The following PAM variants were observed in gnomAD, a reference collection of about 807,000 sequenced individuals.
The protein encoded by PAM is peptidylglycine alpha-amidating monooxygenase, also known as peptidyl-glycine alpha-amidating monooxygenase.
A neutral mutation model predicts 122.1 loss-of-function variants in PAM; 72 were observed. That is an observed-to-expected ratio of 0.59 (90% CI 0.49 to 0.72). PAM has a LOEUF of 0.72. Ranked by LOEUF, PAM falls within the 30% of genes least tolerant of loss-of-function variation. The probability of loss-of-function intolerance (pLI) is 0.00; values close to 1 mark genes in which losing one functional copy is unlikely to be tolerated. For missense variants in PAM, 1,106 were observed against 1,183.7 expected, an observed-to-expected ratio of 0.93 and a Z score of 0.96; for synonymous variants, 389 against 404.4, an observed-to-expected ratio of 0.96 and a Z score of 0.46.
chr5:102,885,485 A>G (rs1261767511), intron 3 of PAM, among the ~76,000 whole-genome samples: 5 of 152,030 alleles, frequency 3.3e-5, no homozygotes, highest in African/African-American at 1.2e-4. Flanking sequence ...AGGCAGACAC[A>G]GTAGATGTAA....
chr5:103,009,568 A>G (rs1780017152), intron 20 of PAM, among the ~76,000 whole-genome samples, 183 bp from the exon 21 acceptor site: 1 of 152,142 alleles, frequency 6.6e-6, no homozygotes, highest in Non-Finnish European at 1.5e-5. Flanking sequence ...TAGTCCTCTA[A>G]CCAGTTTGCC....
intron 3 of PAM, among the ~76,000 whole-genome samples, chr5:102,877,005 G>A (rs2151076990): frequency 6.6e-6 from 1 of 152,302 alleles, no homozygotes; most frequent in African/African-American, 2.4e-5. Flanking sequence ...GCTTGGAGGA[G>A]CCTGGCTATG....
In PAM at chr5:103,025,344, AT is replaced by A. The variant is rs747612432; in HGVS notation, c.2689+11del. The A allele has an allele frequency of 1.2e-5, 20 of 1,609,518 alleles. No homozygotes were observed. The East Asian group carries it at 4.5e-4, about 36-fold the overall frequency. On this transcript the variant is annotated intron_variant, in intron 24 of 25. Coordinates refer to ENST00000438793, the MANE Select transcript of PAM (RefSeq NM_001177306.2). ...TCAAGGGCCTTTGGAGGCAAGTAAAATGAGCCCCGTGAACTTGGAACCTGCC... is the reference window on the plus strand; with the variant it reads ...TCAAGGGCCTTTGGAGGCAAGTAAAAGAGCCCCGTGAACTTGGAACCTGCC...
chr5:102,916,700 AAT>A (rs1356395559), intron 5 of PAM, among the ~76,000 whole-genome samples: 1 of 146,806 alleles, frequency 6.8e-6, no homozygotes, highest in African/African-American at 2.5e-5. Flanking sequence ...ATTTGTATAT[AAT>A]ATATGATATA....
intron 4 of PAM, among the ~76,000 whole-genome samples, chr5:102,909,801 T>C (rs574144463): frequency 4.6e-5 from 7 of 152,012 alleles, no homozygotes; most frequent in Admixed American, 4.6e-4. Flanking sequence ...ACGATTACAT[T>C]GGGAGGAAAA....
chr5:102,906,872 A>G (rs1799715972), intron 4 of PAM, among the ~76,000 whole-genome samples: 1 of 151,766 alleles, frequency 6.6e-6, no homozygotes, highest in Admixed American at 6.6e-5. Flanking sequence ...GGAAATTAAT[A>G]GTGGACTATT....
intron 15 of PAM, among the ~76,000 whole-genome samples, chr5:102,977,917 G>T (rs1768281448): frequency 6.6e-6 from 1 of 152,082 alleles, no homozygotes; most frequent in Admixed American, 6.6e-5. Flanking sequence ...GATTATAATA[G>T]TATACTCCTC....
intron 1 of PAM, among the ~76,000 whole-genome samples, chr5:102,800,090 C>T (rs1296546775): frequency 6.6e-6 from 1 of 152,330 alleles, no homozygotes; most frequent in East Asian, 1.9e-4. Flanking sequence ...ACTTATTGTA[C>T]TCACTATTCA....
chr5:102,808,092 C>G (rs1438303370), intron 1 of PAM: 1 of 152,096 alleles, frequency 6.6e-6, no homozygotes, highest in Non-Finnish European at 1.5e-5. Context: ...TCCTCTGCCT[C>G]CAAGTCTCTC....
intron 3 of PAM, among the ~76,000 whole-genome samples, chr5:102,878,321 C>A (rs527671674): frequency 2.0e-5 from 3 of 152,132 alleles, no homozygotes; most frequent in Non-Finnish European, 4.4e-5. Context: ...TCATCAGGAA[C>A]ATTTTTGTGG....
At position 102,816,016 on chromosome 5, in the gene PAM, C is replaced by T. The variant is rs551343636; in HGVS notation, c.-373-49807C>T. On this transcript the variant is annotated intron_variant, in intron 1 of 25. Transcript: ENST00000438793. ...AATGTCAAAGAAATGTTGGGTTTAG[C>T]GGTTTTTAAACTTGGGATCTGGAAA... 4.4e-4 allele frequency among the ~76,000 whole-genome samples: 67 copies of T among 152,042 alleles called. 1 individual carries two copies. The highest frequency in any genetic ancestry group is 1.6e-3 in the African/African-American group (65 of 41,472).
chr5:102,811,874 A>G (rs1768015285), intron 1 of PAM, among the ~76,000 whole-genome samples: 1 of 152,252 alleles, frequency 6.6e-6, no homozygotes, highest in Non-Finnish European at 1.5e-5. Flanking sequence ...CAAATGTTCA[A>G]AACTCTTAGG....
chr5:102,776,964 T>C (rs573512183), intron 1 of PAM, among the ~76,000 whole-genome samples: 1 of 152,210 alleles, frequency 6.6e-6, no homozygotes, highest in African/African-American at 2.4e-5. Flanking sequence ...TTCCTTGTAT[T>C]TTCTGATTTG....
chr5:102,864,783 T>C (rs766300299), intron 1 of PAM, among the ~76,000 whole-genome samples: 1 of 152,236 alleles, frequency 6.6e-6, no homozygotes, highest in Non-Finnish European at 1.5e-5. Flanking sequence ...AAATAAAACT[T>C]TAATCTCTTT....
chr5:102,823,563 G>T (rs144121245), intron 1 of PAM, among the ~76,000 whole-genome samples: 1 of 152,186 alleles, frequency 6.6e-6, no homozygotes, highest in Admixed American at 6.5e-5. Context: ...TGAAAGGAGC[G>T]CTGGAACAGA....
chr5:102,759,294 G>C (rs1751625448), intron 1 of PAM, among the ~76,000 whole-genome samples: 1 of 152,112 alleles, frequency 6.6e-6, no homozygotes, highest in Non-Finnish European at 1.5e-5. Context: ...AATACATGAA[G>C]ACCTGAAGCA....
intron 1 of PAM, among the ~76,000 whole-genome samples, chr5:102,848,717 G>T (rs1193509986): frequency 1.3e-5 from 2 of 152,118 alleles, no homozygotes; most frequent in Non-Finnish European, 2.9e-5. Context: ...GAGTTGATAG[G>T]TAAAGTTGAG....
At chr5:103,006,318 G>A (rs1270733269) in intron 18 of PAM, among the ~76,000 whole-genome samples, 1 of 151,734 alleles carries the variant, frequency 6.6e-6, no homozygotes, top group African/African-American at 2.4e-5. Context: ...TTGAGGCTAG[G>A]CCTCTAGTAA....
At chr5:103,007,410 G>T in intron 19 of PAM, 47 bp from the exon 20 acceptor site, 1 of 1,495,286 alleles carries the variant, frequency 6.7e-7, no homozygotes, top group South Asian at 1.1e-5. Flanking sequence ...GTCAAACTTT[G>T]GGTGATTTTT....
Sources: allele counts gnomAD v4.1 joint callset (sites outside exome capture counted in the v4.1 genomes callset), GRCh38; gene constraint gnomAD v4.1.1; transcripts MANE v1.5; gene names NCBI Gene and HGNC (gene_info 2026-07-23, HGNC 2026-07-21).